Variants in KHDRBS2 observed in about 807,000 individuals in gnomAD.
The protein encoded by KHDRBS2 is KH domain-containing, RNA-binding, signal transduction-associated protein 2.
KHDRBS2 carries 26 observed loss-of-function variants against 44.3 expected under a neutral mutation model. The ratio of observed to expected loss-of-function variants is 0.59; its 90% CI spans 0.43 to 0.81. The LOEUF (loss-of-function observed/expected upper bound fraction) is 0.81. Ranked by LOEUF, KHDRBS2 falls within the 40% of genes least tolerant of loss-of-function variation. The pLI is 0.00. For missense variants in KHDRBS2, 476 were observed against 433.1 expected (o/e 1.10, Z -0.88); for synonymous variants, 194 against 151.1 (o/e 1.28, Z -2.08).
chr6:61,962,744 T>C (rs1045541091), intron 4 of KHDRBS2, among the ~76,000 whole-genome samples: 1 of 152,074 alleles, frequency 6.6e-6, no homozygotes, highest in African/African-American at 2.4e-5. Context: ...TATATAGTCA[T>C]GACTACAGTC....
chr6:62,266,453 T>C (rs1839215782), intron 1 of KHDRBS2, among the ~76,000 whole-genome samples: 1 of 152,042 alleles, frequency 6.6e-6, no homozygotes, highest in African/African-American at 2.4e-5. Context: ...CCCTCACCTC[T>C]CCACTTGTGT....
chr6:62,137,115 C>T (rs1811730213), intron 2 of KHDRBS2, among the ~76,000 whole-genome samples: 1 of 150,630 alleles, frequency 6.6e-6, no homozygotes, highest in Non-Finnish European at 1.5e-5. Flanking sequence ...ATTCTCCTGC[C>T]TCAGCCTCCT....
intron 6 of KHDRBS2, among the ~76,000 whole-genome samples, chr6:61,869,528 C>A (rs1798285274): frequency 6.6e-6 from 1 of 152,052 alleles, no homozygotes; most frequent in Non-Finnish European, 1.5e-5. Flanking sequence ...GGTTTGCAAG[C>A]AAGAAGACAT....
At chr6:62,248,290 TA>T (rs71551509) in intron 1 of KHDRBS2, among the ~76,000 whole-genome samples, 1,883 of 145,906 alleles carry the variant, frequency 0.013, 39 homozygotes, top group African/African-American at 0.042. Flanking sequence ...TGTGGTATTT[TA>T]AAAAAAAAAA....
At chr6:62,111,077 C>A (rs1235907141) in intron 2 of KHDRBS2, among the ~76,000 whole-genome samples, 1 of 151,934 alleles carries the variant, frequency 6.6e-6, no homozygotes, top group Non-Finnish European at 1.5e-5. Flanking sequence ...TTGTAACAAC[C>A]AAGTTTAGAA....
the KHDRBS2 span, among the ~76,000 whole-genome samples, chr6:61,561,744 G>C: frequency 6.6e-6 from 1 of 152,174 alleles, no homozygotes; most frequent in Non-Finnish European, 1.5e-5. Context: ...CCTCAGGGCA[G>C]TGGGCTCCTC....
chr6:62,227,114 G>A (rs923290217), intron 1 of KHDRBS2, among the ~76,000 whole-genome samples: 5 of 152,160 alleles, frequency 3.3e-5, no homozygotes, highest in African/African-American at 1.2e-4. Context: ...ACTTTGTGTA[G>A]TATAGCCATT....
At chr6:62,151,614 A>G (rs1815207659) in intron 2 of KHDRBS2, among the ~76,000 whole-genome samples, 1 of 152,212 alleles carries the variant, frequency 6.6e-6, no homozygotes, top group Non-Finnish European at 1.5e-5. Context: ...GGAGATACAG[A>G]TTAACTCAAC....
intron 4 of KHDRBS2, among the ~76,000 whole-genome samples, chr6:61,936,943 G>A (rs1330045929): frequency 6.6e-6 from 1 of 151,842 alleles, no homozygotes; most frequent in Non-Finnish European, 1.5e-5. Flanking sequence ...TCCATCTGAA[G>A]ACTTTAAATT....
intron 4 of KHDRBS2, among the ~76,000 whole-genome samples, chr6:61,941,261 G>A (rs1234320414): frequency 6.6e-6 from 1 of 152,130 alleles, no homozygotes; most frequent in Non-Finnish European, 1.5e-5. Flanking sequence ...TTGGCATGGA[G>A]ACTGGCCTGC....
intron 4 of KHDRBS2, among the ~76,000 whole-genome samples, chr6:61,903,060 T>C (rs1207260045): frequency 2.0e-5 from 3 of 152,236 alleles, no homozygotes; most frequent in Non-Finnish European, 2.9e-5. Context: ...TAGAAAATTA[T>C]AGTTTCTAAC....
rs969633476 is a variant in KHDRBS2, at chr6:61,680,911, G to T, written c.*52C>A. 2.6e-6 allele frequency: 3 copies of T among 1,154,172 alleles called. No individual in the cohort carries two copies. The African/African-American group carries it at 4.6e-5, about 18-fold the overall frequency. The allele number at this position is 1,154,172 out of a possible 1,614,324, so 71.5% of individuals were successfully genotyped here. A position where few individuals can be genotyped will look rare whatever the true frequency, so the allele number is the denominator to read the frequency against. On this transcript the variant is annotated 3_prime_UTR_variant, in exon 9 of 9. Transcript: ENST00000281156. ...CTTGTCTTGTTGCTGTTTATGTGGA[G>T]ACCACAGGCTATGAATTGTCTTTGA... is the stretch of plus-strand genomic sequence containing the variant.
At chr6:61,951,514 T>G (rs1307409912) in intron 4 of KHDRBS2, among the ~76,000 whole-genome samples, 1 of 152,074 alleles carries the variant, frequency 6.6e-6, no homozygotes, top group East Asian at 1.9e-4. Flanking sequence ...TTAAGATGCT[T>G]AAGATTATGC....
chr6:62,034,543 C>T (rs905463654), intron 3 of KHDRBS2, among the ~76,000 whole-genome samples: 18 of 151,636 alleles, frequency 1.2e-4, no homozygotes, highest in Admixed American at 2.0e-4. Context: ...AGGACAAAAA[C>T]CATATAATCA....
At chr6:61,855,783 G>A (rs770115766) in intron 6 of KHDRBS2, among the ~76,000 whole-genome samples, 6 of 151,922 alleles carry the variant, frequency 3.9e-5, no homozygotes, top group African/African-American at 7.2e-5. Flanking sequence ...TTCCTTTGGC[G>A]GGGCAGTTCT....
At chr6:61,941,422 A>G (rs1447256060) in intron 4 of KHDRBS2, among the ~76,000 whole-genome samples, 1 of 152,108 alleles carries the variant, frequency 6.6e-6, no homozygotes. Context: ...TGCCATTATT[A>G]GCATCTGAGT....
intron 6 of KHDRBS2, among the ~76,000 whole-genome samples, chr6:61,825,940 T>C (rs1790794963): frequency 6.6e-6 from 1 of 152,110 alleles, no homozygotes; most frequent in African/African-American, 2.4e-5. Context: ...AAACTGATGG[T>C]TAAATAACTT....
At chr6:62,273,677 G>C (rs1441672473) in intron 1 of KHDRBS2, among the ~76,000 whole-genome samples, 1 of 151,978 alleles carries the variant, frequency 6.6e-6, no homozygotes, top group Non-Finnish European at 1.5e-5. Flanking sequence ...TTATCACCTA[G>C]ATGCTAGTAA....
intron 6 of KHDRBS2, among the ~76,000 whole-genome samples, chr6:61,800,298 T>A (rs1340128210): frequency 2.0e-5 from 3 of 152,146 alleles, no homozygotes; most frequent in Non-Finnish European, 2.9e-5. Flanking sequence ...ATTGTTAGAA[T>A]AGAAAGTCAG....
Sources: gnomAD v4.1 joint callset for allele counts (sites outside exome capture counted in the v4.1 genomes callset) on GRCh38, gnomAD v4.1.1 for gene constraint, MANE v1.5 for transcripts, NCBI Gene and HGNC (gene_info 2026-07-23, HGNC 2026-07-21) for gene names.